Variants in ADAMTS3 observed in about 807,000 individuals in gnomAD.
ADAMTS3 encodes ADAM metallopeptidase with thrombospondin type 1 motif 3, also known as A disintegrin and metalloproteinase with thrombospondin motifs 3.
Under a neutral mutation model 129.0 loss-of-function variants are expected in ADAMTS3, and 73 were observed. The observed-to-expected ratio is 0.57, with a 90% CI of 0.47 to 0.69. ADAMTS3 has a LOEUF of 0.69. Among genes scored for constraint, ADAMTS3 ranks in the 30% least tolerant of loss-of-function variants. ADAMTS3 has a pLI of 0.00. For synonymous variants in ADAMTS3, 477 were observed against 510.8 expected (o/e 0.93, Z 0.89); for missense variants, 1,457 against 1,514.5 (o/e 0.96, Z 0.63).
intron 4 of ADAMTS3, among the ~76,000 whole-genome samples, chr4:72,354,647 A>G (rs966464): frequency 0.99 from 151,215 of 152,094 alleles, 75,177 homozygotes; most frequent in South Asian, 1. Context: ...AGGACATTTC[A>G]ACATTGACAT....
At position 72,335,884 on chromosome 4, in the gene ADAMTS3, A is replaced by G. The variant is rs986554190; in HGVS notation, c.861+3610T>C. On this transcript the variant is annotated intron_variant, in intron 5 of 21. Coordinates refer to ENST00000286657, the MANE Select transcript of ADAMTS3 (RefSeq NM_014243.3). ...AAGATTGTTCGTGATCTACCTCTAC[A>G]TTATTTATATTCATTTGTTCTTCTT... 5.3e-5 allele frequency among the ~76,000 whole-genome samples: 8 copies of G among 152,218 alleles called. No individual in the cohort carries two copies. In the East Asian group the frequency reaches 9.7e-4, roughly 18 times the overall value.
At chr4:72,366,254 A>G (rs1379238419) in intron 4 of ADAMTS3, among the ~76,000 whole-genome samples, 2 of 152,196 alleles carry the variant, frequency 1.3e-5, no homozygotes, top group Admixed American at 6.5e-5. Flanking sequence ...GTATAAAATA[A>G]TATGTTGAGT....
intron 3 of ADAMTS3, among the ~76,000 whole-genome samples, chr4:72,435,483 T>C (rs1043902929): frequency 7.2e-5 from 11 of 151,932 alleles, no homozygotes; most frequent in Non-Finnish European, 1.5e-4. Flanking sequence ...CCCTGCATTT[T>C]GAAAAAATAA....
intron 3 of ADAMTS3, among the ~76,000 whole-genome samples, chr4:72,541,332 A>G (rs1326667439): frequency 6.6e-6 from 1 of 152,206 alleles, no homozygotes; most frequent in Non-Finnish European, 1.5e-5. Context: ...CAATGCCTGT[A>G]CCCACATTGT....
At chr4:72,351,582 A>G (rs1720439232) in intron 4 of ADAMTS3, among the ~76,000 whole-genome samples, 1 of 151,440 alleles carries the variant, frequency 6.6e-6, no homozygotes, top group East Asian at 1.9e-4. Flanking sequence ...CACCTTTCTC[A>G]TAAAAGAATG....
chr4:72,516,984 G>A (rs1031499220), intron 3 of ADAMTS3, among the ~76,000 whole-genome samples: 3 of 152,120 alleles, frequency 2.0e-5, no homozygotes, highest in African/African-American at 7.2e-5. Context: ...TGCATAGATA[G>A]CTCTTAATAT....
intron 4 of ADAMTS3, among the ~76,000 whole-genome samples, chr4:72,398,211 G>A (rs1189366269): frequency 1.3e-5 from 2 of 152,062 alleles, no homozygotes; most frequent in Admixed American, 1.3e-4. Context: ...AACAGATAAA[G>A]GGTGCAAAAC....
chr4:72,324,482 T>C (rs1719648659), intron 5 of ADAMTS3, among the ~76,000 whole-genome samples: 1 of 152,144 alleles, frequency 6.6e-6, no homozygotes, highest in Non-Finnish European at 1.5e-5. Flanking sequence ...TAGAATATAC[T>C]AGAGATAACA....
chr4:72,562,306 A>G (rs950238433), intron 2 of ADAMTS3, among the ~76,000 whole-genome samples: 2 of 152,224 alleles, frequency 1.3e-5, no homozygotes, highest in Non-Finnish European at 2.9e-5. Flanking sequence ...AGACTTGTTC[A>G]AAAGCCATTT....
Position 72,282,151 on chromosome 4 carries a change from C to T in ADAMTS3, c.*985G>A, listed in dbSNP as rs1047373471. The T allele has an allele frequency of 1.1e-4, 16 of 152,256 alleles. No individual in the cohort carries two copies. Among genetic ancestry groups the T allele is most frequent in the African/African-American group, 3.4e-4 (14 of 41,538 alleles). 9.4% of individuals were successfully genotyped at this position (152,256 alleles called of 1,614,324 possible). On this transcript the variant is annotated 3_prime_UTR_variant, in exon 22 of 22. Transcript: ENST00000286657. ...AGTTATCCCAAAACTTTTTCCTTTGCGATTATTACAGTACATTGAGTATAA... is the reference window on the plus strand; with the variant it reads ...AGTTATCCCAAAACTTTTTCCTTTGTGATTATTACAGTACATTGAGTATAA...
At chr4:72,508,896 T>C (rs574854166) in intron 3 of ADAMTS3, among the ~76,000 whole-genome samples, 59 of 152,050 alleles carry the variant, frequency 3.9e-4, no homozygotes, top group Non-Finnish European at 6.8e-4. Flanking sequence ...GTTTTAAACA[T>C]TCAAAAAAAT....
chr4:72,402,781 A>C (rs960112652), intron 4 of ADAMTS3, among the ~76,000 whole-genome samples: 8 of 152,150 alleles, frequency 5.3e-5, no homozygotes, highest in Non-Finnish European at 1.0e-4. Flanking sequence ...TTACTCTAAG[A>C]AATGTAACAC....
chr4:72,519,717 G>C (rs1359756135), intron 3 of ADAMTS3, among the ~76,000 whole-genome samples: 2 of 151,980 alleles, frequency 1.3e-5, no homozygotes, highest in Admixed American at 6.5e-5. Context: ...CTCTGTATTG[G>C]TTATTCTAGT....
chr4:72,283,624 T>C lies in ADAMTS3; in HGVS notation c.3130A>G (p.Lys1044Glu), dbSNP rs1380022349. The change falls in exon 22 of 22, where the codon AAG (lysine) becomes GAG (glutamate). Residue 1044 changes from lysine (K) to glutamate (E), a missense_variant. Coordinates refer to ENST00000286657, the MANE Select transcript of ADAMTS3 (RefSeq NM_014243.3). ...ARYCSIPGYN[K>E]LCCESCSKRS... ...TTGCTGCAGGACTCACAACATAACTTGTTATAACCTGGTATGGAGCAGTAT... is the reference window on the plus strand; with the variant it reads ...TTGCTGCAGGACTCACAACATAACTCGTTATAACCTGGTATGGAGCAGTAT... 1 of 1,613,986 alleles carries C rather than the reference T, an allele frequency of 6.2e-7. No individual in the cohort carries two copies. Among genetic ancestry groups the C allele is most frequent in the South Asian group, 1.1e-5 (1 of 91,080 alleles).
At chr4:72,415,901 A>G (rs1722292565) in intron 3 of ADAMTS3, among the ~76,000 whole-genome samples, 1 of 151,918 alleles carries the variant, frequency 6.6e-6, no homozygotes. Flanking sequence ...ATTTATTTGA[A>G]AACAAAATTC....
At chr4:72,419,560 T>C (rs1028085326) in intron 3 of ADAMTS3, among the ~76,000 whole-genome samples, 1 of 152,172 alleles carries the variant, frequency 6.6e-6, no homozygotes, top group South Asian at 2.1e-4. Flanking sequence ...CAGGACAGCT[T>C]TGAATGCAGC....
At chr4:72,358,038 T>C (rs1198415330) in intron 4 of ADAMTS3, among the ~76,000 whole-genome samples, 3 of 151,930 alleles carry the variant, frequency 2.0e-5, no homozygotes, top group African/African-American at 4.8e-5. Context: ...AAAAGTGATT[T>C]GATAATAAAA....
Position 72,414,987 on chromosome 4 carries a change from A to T in ADAMTS3, c.505-16T>A. 1 of 1,440,466 alleles carries T rather than the reference A, an allele frequency of 6.9e-7. No individual in the cohort carries two copies. Among genetic ancestry groups the T allele is most frequent in the Non-Finnish European group, 9.1e-7 (1 of 1,093,830 alleles). 89.2% of individuals were successfully genotyped at this position (1,440,466 alleles called of 1,614,324 possible). A position where few individuals can be genotyped will look rare whatever the true frequency, so the allele number is the denominator to read the frequency against. On this transcript the variant is annotated splice_polypyrimidine_tract_variant and intron_variant, in intron 3 of 21. Coordinates refer to ENST00000286657, the MANE Select transcript of ADAMTS3 (RefSeq NM_014243.3). ...TCATTCCAGCCTAGAGAAAGCACAA[A>T]ATGTGTTAATTTAAAAAAGAAATAT...
At chr4:72,476,067 G>T (rs1719223071) in intron 3 of ADAMTS3, among the ~76,000 whole-genome samples, 1 of 151,668 alleles carries the variant, frequency 6.6e-6, no homozygotes, top group South Asian at 2.1e-4. Flanking sequence ...AAGAAACTAT[G>T]AAAACTAGAG....
Sources: gnomAD v4.1 joint callset for allele counts (sites outside exome capture counted in the v4.1 genomes callset) on GRCh38, gnomAD v4.1.1 for gene constraint, MANE v1.5 for transcripts, NCBI Gene and HGNC (gene_info 2026-07-23, HGNC 2026-07-21) for gene names.